Variants in PSG9 observed in about 807,000 individuals in gnomAD.
PSG9 encodes the protein pregnancy-specific beta-1-glycoprotein 9.
PSG9 carries 49 observed loss-of-function variants against 41.9 expected under a neutral mutation model. The ratio of observed to expected loss-of-function variants is 1.17; its 90% CI spans 0.93 to 1.48. PSG9 has a LOEUF of 1.48. Among genes scored for constraint, PSG9 ranks in the 40% most tolerant of loss-of-function variants. PSG9 has a pLI of 0.00. For missense variants in PSG9, 641 were observed against 520.3 expected (o/e 1.23, Z -2.26); for synonymous variants, 263 against 196.8 (o/e 1.34, Z -2.82).
Position 43,254,456 on chromosome 19 carries a change from T to A in PSG9, c.1244-810A>T, listed in dbSNP as rs142312868. On this transcript the variant is annotated intron_variant, in intron 5 of 5. Coordinates refer to ENST00000270077, the MANE Select transcript of PSG9 (RefSeq NM_002784.5). Reference sequence around the variant, plus strand: ...AATGGTAAGAAGAAAGTACTCTCATTGCAATTTTCAGGTAAGGAATCAGAG... The same window carrying A: ...AATGGTAAGAAGAAAGTACTCTCATAGCAATTTTCAGGTAAGGAATCAGAG... 6.4e-4 allele frequency among the ~76,000 whole-genome samples: 94 copies of A among 146,504 alleles called. 13 individuals are homozygous for A. Among genetic ancestry groups the A allele is most frequent in the African/African-American group, 2.4e-3 (94 of 38,590 alleles).
At chr19:43,263,858 A>G (rs1322484043) in intron 2 of PSG9, among the ~76,000 whole-genome samples, 1 of 152,146 alleles carries the variant, frequency 6.6e-6, no homozygotes, top group Admixed American at 6.5e-5. Context: ...TAAAGGGAGG[A>G]AGGATGCCAA....
At position 43,262,110 on chromosome 19, in the gene PSG9, G is replaced by C; in HGVS notation, c.459C>G (p.Ser153Arg). 6.8e-6 allele frequency: 11 copies of C among 1,613,888 alleles called. 2 individuals are homozygous for C. The South Asian group carries it at 1.2e-4, about 18-fold the overall frequency. The change falls in exon 3 of 6, where the codon AGC becomes AGG. Residue 153 changes from serine to arginine, a missense_variant. Ser to Arg is a moderately radical substitution (Grantham distance 110). Coordinates refer to ENST00000270077, the MANE Select transcript of PSG9 (RefSeq NM_002784.5). ...TGGCCTCCCTGGGGTTTAAGTTGCT[G>C]CTGGAGATGTAGGGCTTGGGAGTCT... The part of the protein sequence containing the change: ...YLETPKPYIS[S>R]SNLNPREAME...
chr19:43,257,353 T>G (rs191293749), intron 5 of PSG9: 15,242 of 944,542 alleles, frequency 0.016, 1,208 homozygotes, highest in African/African-American at 0.07. Context: ...ATAAAGTGTC[T>G]GGTAGTCTTA....
intron 2 of PSG9, 126 bp from the exon 3 acceptor site, chr19:43,262,264 T>A: frequency 1.3e-6 from 2 of 1,499,144 alleles, no homozygotes; most frequent in Non-Finnish European, 1.8e-6. Context: ...CCATGGCAGG[T>A]GTGTGTGTTA....
chr19:43,262,044 G>C lies in PSG9; in HGVS notation c.525C>G (p.Asp175Glu), dbSNP rs150952802. The C allele has an allele frequency of 1.1e-5, 18 of 1,613,866 alleles. No individual in the cohort carries two copies. The highest frequency in any genetic ancestry group is 1.1e-4 in the African/African-American group (8 of 74,918). Residue 175 changes from aspartate (D) to glutamate (E), a missense_variant, in exon 3 of 6, where the codon GAC (aspartate) becomes GAG (glutamate). Coordinates refer to ENST00000270077, the MANE Select transcript of PSG9 (RefSeq NM_002784.5). ...VRLICDPETL[D>E]ASYLWWMNGQ... Reference sequence around the variant, plus strand: ...CATTCATCCACCATAGGTAGCTTGCGTCCAGAGTCTCAGGATCACAGATTA... The same window carrying C: ...CATTCATCCACCATAGGTAGCTTGCCTCCAGAGTCTCAGGATCACAGATTA...
intron 5 of PSG9, among the ~76,000 whole-genome samples, chr19:43,255,147 T>A (rs1472257167): frequency 7.0e-6 from 1 of 143,026 alleles, no homozygotes; most frequent in Non-Finnish European, 1.5e-5. Flanking sequence ...AATGAAGCGA[T>A]TACTACCAAT....
At chr19:43,264,139 A>T (rs1480671536) in intron 2 of PSG9, among the ~76,000 whole-genome samples, 5 of 152,064 alleles carry the variant, frequency 3.3e-5, no homozygotes, top group Non-Finnish European at 7.4e-5. Context: ...TAGTTGTATG[A>T]GACACAGGCA....
At chr19:43,256,482 G>A (rs115753235) in intron 5 of PSG9, among the ~76,000 whole-genome samples, 10,041 of 146,492 alleles carry the variant, frequency 0.069, 1,182 homozygotes, top group Middle Eastern at 0.086. Flanking sequence ...AAAGCTACAA[G>A]TCAACAACAA....
chr19:43,265,469 A>G (rs1968922335), intron 2 of PSG9, among the ~76,000 whole-genome samples: 2 of 152,062 alleles, frequency 1.3e-5, no homozygotes, highest in Admixed American at 6.5e-5. Flanking sequence ...TGTGGCCCCT[A>G]CCTGGAGGCA....
intron 2 of PSG9, among the ~76,000 whole-genome samples, chr19:43,262,707 A>G (rs1968784313): frequency 1.3e-5 from 2 of 152,198 alleles, no homozygotes; most frequent in Admixed American, 1.3e-4. Flanking sequence ...GACATCAGGC[A>G]GTGGAGCCAC....
At chr19:43,263,225 T>A (rs895820732) in intron 2 of PSG9, among the ~76,000 whole-genome samples, 1 of 152,136 alleles carries the variant, frequency 6.6e-6, no homozygotes, top group Non-Finnish European at 1.5e-5. Context: ...GGGTGTGCAG[T>A]TCCAGTTATG....
rs1427370622 is a variant in PSG9, at chr19:43,254,589, AAAG to A, written c.1244-946_1244-944del. ...ACCTACTTTAATACTTCAGGATATG[AAAG>A]AAGAACAAACTAAACCCAAGCACAG... On this transcript the variant is annotated intron_variant, in intron 5 of 5. Coordinates refer to ENST00000270077, the MANE Select transcript of PSG9 (RefSeq NM_002784.5). Among the ~76,000 whole-genome samples the A allele has an allele frequency of 2.7e-5, 4 of 146,184 alleles. No homozygotes were observed. The East Asian group carries it at 9.4e-4, about 34-fold the overall frequency.
intron 1 of PSG9, 82 bp downstream of exon 1, chr19:43,269,286 T>C: frequency 1.3e-5 from 21 of 1,604,278 alleles, no homozygotes; most frequent in Non-Finnish European, 1.8e-5. Context: ...TCTTTTATTT[T>C]ACAACCCCAT....
Position 43,268,441 on chromosome 19 carries a change from C to G in PSG9, c.65-292G>C, listed in dbSNP as rs113328137. ...TCTTCCCCAGGGGTCCACACGGCCC[C>G]CTCCACACTGCCCTCAGGTCCTGCT... On this transcript the variant is annotated intron_variant, in intron 1 of 5. Transcript: ENST00000270077. Among the ~76,000 whole-genome samples, 583 of 152,240 alleles carry G rather than the reference C, an allele frequency of 3.8e-3. 1 individual carries two copies. Among genetic ancestry groups the G allele is most frequent in the African/African-American group, 0.012 (499 of 41,550 alleles).
At chr19:43,256,946 A>G (rs1968463819) in intron 5 of PSG9, among the ~76,000 whole-genome samples, 1 of 147,022 alleles carries the variant, frequency 6.8e-6, no homozygotes, top group Non-Finnish European at 1.5e-5. Flanking sequence ...AATGGAAACA[A>G]CTGAAAAGTC....
At chr19:43,261,502 G>A (rs991260362) in intron 3 of PSG9, among the ~76,000 whole-genome samples, 1 of 152,146 alleles carries the variant, frequency 6.6e-6, no homozygotes, top group African/African-American at 2.4e-5. Context: ...ATTGTCAGAG[G>A]GAAGGGAAAA....
At chr19:43,266,693 T>C (rs978734094) in intron 2 of PSG9, among the ~76,000 whole-genome samples, 10 of 152,096 alleles carry the variant, frequency 6.6e-5, no homozygotes, top group African/African-American at 2.4e-4. Context: ...GAGGTTTGGA[T>C]GCCTAAGAAG....
chr19:43,255,117 A>G (rs150361836), intron 5 of PSG9, among the ~76,000 whole-genome samples: 7,195 of 134,582 alleles, frequency 0.053, 559 homozygotes, highest in Middle Eastern at 0.093. Flanking sequence ...AAAAAAAAAA[A>G]AAAGAAAGAA....
intron 2 of PSG9, among the ~76,000 whole-genome samples, chr19:43,264,624 A>AT (rs1341437428): frequency 1.3e-5 from 2 of 151,798 alleles, no homozygotes; most frequent in Non-Finnish European, 2.9e-5. Context: ...CGCCCGGCTA[A>AT]TTTTTTGTAT....
Sources: allele counts gnomAD v4.1 joint callset (sites outside exome capture counted in the v4.1 genomes callset), GRCh38; gene constraint gnomAD v4.1.1; transcripts MANE v1.5; gene names NCBI Gene and HGNC (gene_info 2026-07-23, HGNC 2026-07-21).